PLAGL1: variants seen among roughly 807,000 people sequenced by gnomAD.
PLAGL1 encodes the protein zinc finger protein PLAGL1.
PLAGL1 carries 1 observed loss-of-function variant against 4.6 expected under a neutral mutation model. The observed-to-expected ratio is 0.22, with a 90% confidence interval of 0.08 to 1.03. PLAGL1 has a LOEUF of 1.03. Among genes scored for constraint, PLAGL1 ranks in the 50% least tolerant of loss-of-function variants. PLAGL1 has a pLI of 0.58. For synonymous variants in PLAGL1, 240 were observed against 237.8 expected (o/e 1.01, Z -0.08); for missense variants, 464 against 570.4 (o/e 0.81, Z 1.90).
At chr6:144,040,117 G>A (rs146456302) in intron 1 of PLAGL1, among the ~76,000 whole-genome samples, 2 of 152,116 alleles carry the variant, frequency 1.3e-5, no homozygotes, top group African/African-American at 2.4e-5. Flanking sequence ...AAGAAGGAAG[G>A]GCTTAGGGAG....
chr6:143,948,127 A>G lies in PLAGL1; in HGVS notation c.10T>C (p.Phe4Leu), dbSNP rs147037984. ...GTCTTGCCACATAACTGGCAGGGGAACGTGGCCATGGGCTTTGCTTCTCAC... is the reference window on the plus strand; with the variant it reads ...GTCTTGCCACATAACTGGCAGGGGAGCGTGGCCATGGGCTTTGCTTCTCAC... MATFPCQLCGKTFL... is the reference protein window; with the variant it reads MATLPCQLCGKTFL... The change falls in exon 7 of 8, where the codon TTC becomes CTC. Residue 4 changes from phenylalanine to leucine, a missense_variant. Around this residue, in one of 4 missense-constraint regions of PLAGL1, gnomAD observed 161 missense variants for 196.7 expected, o/e 0.82. Coordinates refer to ENST00000674357, the MANE Select transcript of PLAGL1 (RefSeq NM_001317162.2). The surrounding 1 kb of genome is among the most constrained non-coding windows in gnomAD (Gnocchi z 6.0). The G allele has an allele frequency of 1.2e-6, 2 of 1,613,396 alleles. No individual in the cohort carries two copies. The highest frequency in any genetic ancestry group is 1.3e-5 in the African/African-American group (1 of 74,898).
At chr6:143,977,292 G>C (rs150194281) in intron 2 of PLAGL1, among the ~76,000 whole-genome samples, 2 of 151,974 alleles carry the variant, frequency 1.3e-5, no homozygotes, top group Non-Finnish European at 2.9e-5. Flanking sequence ...AAGTTTTGCC[G>C]ATCTTTTTAC....
chr6:144,021,098 C>T (rs758101796), intron 1 of PLAGL1, among the ~76,000 whole-genome samples: 18 of 151,918 alleles, frequency 1.2e-4, no homozygotes, highest in Non-Finnish European at 2.4e-4. Flanking sequence ...GTACTATGCT[C>T]CTCCCACAAA....
At chr6:143,974,948 C>A (rs9484835) in intron 2 of PLAGL1, among the ~76,000 whole-genome samples, 3,365 of 152,206 alleles carry the variant, frequency 0.022, 133 homozygotes, top group African/African-American at 0.075. Context: ...CTTATCAATC[C>A]ATTTACGTAT....
At chr6:144,020,787 AAAAC>A (rs1206098227) in intron 1 of PLAGL1, among the ~76,000 whole-genome samples, 2 of 146,694 alleles carry the variant, frequency 1.4e-5, no homozygotes, top group African/African-American at 2.5e-5. Context: ...CTATATATAT[AAAAC>A]AAACATATAA....
At position 143,959,372 on chromosome 6, in the gene PLAGL1, C is replaced by T. The variant is rs1782863484; in HGVS notation, c.-325+1097G>A. 6.6e-6 allele frequency among the ~76,000 whole-genome samples: 1 copy of T among 152,090 alleles called. No homozygotes were observed. The highest frequency in any genetic ancestry group is 2.1e-4 in the South Asian group (1 of 4,818). On this transcript the variant is annotated intron_variant, in intron 6 of 7. Transcript: ENST00000674357. The surrounding 1 kb of genome is among the most constrained non-coding windows in gnomAD (Gnocchi z 5.3). ...TCCAGGATCTTCCTGGCTAGCACTC[C>T]TAGTCTTCTAATGTCAGGCACACTG...
At position 143,957,346 on chromosome 6, in the gene PLAGL1, CT is replaced by C. The variant is rs1782376539; in HGVS notation, c.-325+3122del. Among the ~76,000 whole-genome samples the C allele has an allele frequency of 1.3e-5, 2 of 152,080 alleles. No individual in the cohort carries two copies. Among genetic ancestry groups the C allele is most frequent in the Admixed American group, 6.5e-5 (1 of 15,276 alleles). On this transcript the variant is annotated intron_variant, in intron 6 of 7. Coordinates refer to ENST00000674357, the MANE Select transcript of PLAGL1 (RefSeq NM_001317162.2). The surrounding 1 kb of genome is among the most constrained non-coding windows in gnomAD (Gnocchi z 4.2). ...CAACTCCCAAAATCCAGACAAGAGC[CT>C]TTGGTATTAGGGGAAGATTTTCTAA...
intron 2 of PLAGL1, among the ~76,000 whole-genome samples, chr6:143,981,733 G>T (rs1390332449): frequency 6.6e-6 from 1 of 152,136 alleles, no homozygotes; most frequent in Non-Finnish European, 1.5e-5. Context: ...GGAAGCAGAG[G>T]TCCTCTCAGT....
Position 143,941,413 on chromosome 6 carries a change from T to A in PLAGL1, c.*11A>T, listed in dbSNP as rs1197709987. 4 of 1,492,042 alleles carry A rather than the reference T, an allele frequency of 2.7e-6. No individual in the cohort carries two copies. The East Asian group carries it at 9.3e-5, about 35-fold the overall frequency. 92.4% of individuals were successfully genotyped at this position (1,492,042 alleles called of 1,614,324 possible). A position where few individuals can be genotyped will look rare whatever the true frequency, so the allele number is the denominator to read the frequency against. ...TCTTCCAGAATACGAAAAATACACT[T>A]TAAAAATCAATTATCTGAATGCATG... On this transcript the variant is annotated 3_prime_UTR_variant, in exon 8 of 8. Transcript: ENST00000674357. This position sits in a 1 kb window ranked among gnomAD's most constrained non-coding sequence, Gnocchi z 6.0.
chr6:143,992,011 G>A (rs575728145), intron 1 of PLAGL1, among the ~76,000 whole-genome samples: 6 of 152,318 alleles, frequency 3.9e-5, no homozygotes, highest in Non-Finnish European at 8.8e-5. Flanking sequence ...TTCAAACATG[G>A]TTTTCCAGGA....
chr6:143,944,366 T>G (rs1779297698), intron 7 of PLAGL1, among the ~76,000 whole-genome samples: 1 of 151,734 alleles, frequency 6.6e-6, no homozygotes, highest in Non-Finnish European at 1.5e-5. Context: ...TGGAAGCCAG[T>G]TCAAAAAATA....
At chr6:144,024,898 G>A (rs2128701949) in intron 1 of PLAGL1, among the ~76,000 whole-genome samples, 1 of 152,264 alleles carries the variant, frequency 6.6e-6, no homozygotes, top group East Asian at 1.9e-4. Context: ...GAATGAATAA[G>A]TAAATAAATG....
At position 143,962,408 on chromosome 6, in the gene PLAGL1, T is replaced by C. The variant is rs1403298342; in HGVS notation, c.-398-1866A>G. 6.6e-6 allele frequency among the ~76,000 whole-genome samples: 1 copy of C among 152,250 alleles called. No individual in the cohort carries two copies. Among genetic ancestry groups the C allele is most frequent in the Non-Finnish European group, 1.5e-5 (1 of 68,040 alleles). On this transcript the variant is annotated intron_variant, in intron 5 of 7. Transcript: ENST00000674357. This position sits in a 1 kb window ranked among gnomAD's most constrained non-coding sequence, Gnocchi z 5.3. Reference sequence around the variant, plus strand: ...AATTAAACAATCCTAAAGATAAATGTTTCCGAGTTCCAGAGTAACAAGAAG... The same window carrying C: ...AATTAAACAATCCTAAAGATAAATGCTTCCGAGTTCCAGAGTAACAAGAAG...
Position 143,982,293 on chromosome 6 carries a change from G to C in PLAGL1, c.-544+2842C>G, listed in dbSNP as rs535258254. ...GACAATTTAGGGAGGATCTGAAGGAGGTAAGGATGTAAGTCATGTGGCTAT... is the reference window on the plus strand; with the variant it reads ...GACAATTTAGGGAGGATCTGAAGGACGTAAGGATGTAAGTCATGTGGCTAT... On this transcript the variant is annotated intron_variant, in intron 2 of 7. Coordinates refer to ENST00000674357, the MANE Select transcript of PLAGL1 (RefSeq NM_001317162.2). This position sits in a 1 kb window ranked among gnomAD's most constrained non-coding sequence, Gnocchi z 5.3. Among the ~76,000 whole-genome samples, 1 of 152,242 alleles carries C rather than the reference G, an allele frequency of 6.6e-6. No homozygotes were observed. Among genetic ancestry groups the C allele is most frequent in the Admixed American group, 6.5e-5 (1 of 15,286 alleles).
chr6:144,045,302 G>T (rs912462043), intron 1 of PLAGL1, among the ~76,000 whole-genome samples: 3 of 152,176 alleles, frequency 2.0e-5, no homozygotes, highest in African/African-American at 4.8e-5. Context: ...AATTGGGCAT[G>T]TTTTTGCAGT....
At chr6:143,946,723 C>G (rs1011538064) in intron 7 of PLAGL1, among the ~76,000 whole-genome samples, 33 of 152,350 alleles carry the variant, frequency 2.2e-4, no homozygotes, top group African/African-American at 7.5e-4. Context: ...GATGGAAAAT[C>G]TCACTTGCTA....
At chr6:144,008,512 G>C (rs895405252), upstream of PLAGL1, 2 of 152,232 alleles carry the variant, frequency 1.3e-5, no homozygotes, top group Non-Finnish European at 2.9e-5. The surrounding 1 kb of genome is among the most constrained non-coding windows in gnomAD (Gnocchi z 6.9). Context: ...GGCCGAGGCG[G>C]GGGGAGCTGA....
chr6:143,998,585 A>G (rs534519020), intron 1 of PLAGL1, among the ~76,000 whole-genome samples: 1 of 152,330 alleles, frequency 6.6e-6, no homozygotes, highest in Non-Finnish European at 1.5e-5. Flanking sequence ...GTATCATGTC[A>G]GCCACTTGAA....
At chr6:143,987,850 C>G (rs1375639831) in intron 1 of PLAGL1, among the ~76,000 whole-genome samples, 2 of 152,122 alleles carry the variant, frequency 1.3e-5, no homozygotes, top group Non-Finnish European at 2.9e-5. Context: ...AAACATGGGA[C>G]AAAATAGATG....
Sources: allele counts gnomAD v4.1 joint callset (sites outside exome capture counted in the v4.1 genomes callset), GRCh38; gene constraint gnomAD v4.1.1; regional missense constraint gnomAD v4.1.1; non-coding constraint Gnocchi (gnomAD v3.1); transcripts MANE v1.5; gene names NCBI Gene and HGNC (gene_info 2026-07-23, HGNC 2026-07-21).